The following DOCK8 variants were observed in gnomAD, a reference collection of about 807,000 sequenced individuals.
The protein encoded by DOCK8 is dedicator of cytokinesis protein 8.
Under a neutral mutation model 245.6 loss-of-function variants are expected in DOCK8, and 141 were observed. That is an observed-to-expected ratio of 0.57 (90% CI 0.50 to 0.66). The LOEUF (loss-of-function observed/expected upper bound fraction) is 0.66. Ranked by LOEUF, DOCK8 falls within the 30% of genes least tolerant of loss-of-function variation. The pLI, the probability that DOCK8 is intolerant of heterozygous loss-of-function variation, is 0.00. For synonymous variants in DOCK8, 1,168 were observed against 970.2 expected, an observed-to-expected ratio of 1.20 and a Z score of -3.79; for missense variants, 2,965 against 2,603.4, an observed-to-expected ratio of 1.14 and a Z score of -3.02.
intron 26 of DOCK8, among the ~76,000 whole-genome samples, chr9:400,035 C>G (rs1280129689): frequency 2.0e-5 from 2 of 101,010 alleles, no homozygotes; most frequent in African/African-American, 9.8e-5. Flanking sequence ...CCACCATCAC[C>G]ACCACCACCT....
chr9:420,290 G>T (rs1008113195), intron 30 of DOCK8, 111 bp from the exon 31 acceptor site: 1 of 1,152,870 alleles, frequency 8.7e-7, no homozygotes, highest in Admixed American at 1.8e-5. Flanking sequence ...TACAGTCATG[G>T]TATTTTAAGA....
intron 4 of DOCK8, among the ~76,000 whole-genome samples, chr9:302,231 A>C (rs1416892754): frequency 6.6e-6 from 1 of 152,346 alleles, no homozygotes. Context: ...CGAAGTTGAC[A>C]ATAACAAGCC....
intron 40 of DOCK8, 120 bp downstream of exon 40, chr9:439,508 G>A: frequency 2.2e-6 from 3 of 1,373,240 alleles, no homozygotes; most frequent in Non-Finnish European, 3.0e-6. Flanking sequence ...ACGTGCCAGG[G>A]TGTGCGGGGC....
intron 7 of DOCK8, among the ~76,000 whole-genome samples, chr9:317,446 T>C (rs2050396606): frequency 6.6e-6 from 1 of 152,210 alleles, no homozygotes. Flanking sequence ...TGGAGTCGAC[T>C]GTACTAACTC....
chr9:279,388 A>C (rs1009293939), intron 2 of DOCK8, among the ~76,000 whole-genome samples: 6 of 152,244 alleles, frequency 3.9e-5, no homozygotes, highest in African/African-American at 1.4e-4. Flanking sequence ...TGTATATTTA[A>C]AGCCATGGGA....
intron 26 of DOCK8, among the ~76,000 whole-genome samples, chr9:399,599 C>T (rs1261392407): frequency 6.6e-6 from 1 of 152,102 alleles, no homozygotes; most frequent in Non-Finnish European, 1.5e-5. Flanking sequence ...AGTCCTTGCG[C>T]TCCCAGTCTG....
chr9:410,827 A>C (rs1260820112), intron 28 of DOCK8, among the ~76,000 whole-genome samples: 1 of 152,218 alleles, frequency 6.6e-6, no homozygotes, highest in Non-Finnish European at 1.5e-5. Flanking sequence ...TCTTTAGCTG[A>C]GCTGACCAAG....
intron 43 of DOCK8, among the ~76,000 whole-genome samples, chr9:443,898 G>C (rs561116305): frequency 6.6e-6 from 1 of 152,300 alleles, no homozygotes; most frequent in South Asian, 2.1e-4. Context: ...CCAGTACTCA[G>C]ACTTGAGGTC....
chr9:220,542 C>T (rs1047735665), intron 1 of DOCK8, among the ~76,000 whole-genome samples: 3 of 151,942 alleles, frequency 2.0e-5, no homozygotes, highest in South Asian at 4.2e-4. Flanking sequence ...TTTAAGGGAC[C>T]GTGAGAAGGT....
At chr9:243,136 C>T (rs920336830) in intron 1 of DOCK8, among the ~76,000 whole-genome samples, 2 of 152,176 alleles carry the variant, frequency 1.3e-5, no homozygotes, top group African/African-American at 4.8e-5. Flanking sequence ...CCATTAAAAA[C>T]ACTGCCCAGC....
At chr9:409,615 G>A (rs1386057767) in intron 28 of DOCK8, among the ~76,000 whole-genome samples, 3 of 151,704 alleles carry the variant, frequency 2.0e-5, no homozygotes, top group Non-Finnish European at 2.9e-5. Flanking sequence ...AAGTTCTAGG[G>A]TACATGTATA....
chr9:288,401 T>C (rs2048909916), intron 3 of DOCK8, among the ~76,000 whole-genome samples: 1 of 152,188 alleles, frequency 6.6e-6, no homozygotes, highest in Non-Finnish European at 1.5e-5. Context: ...GCTGTGTGAC[T>C]TGGAACAAGA....
intron 4 of DOCK8, 131 bp from the exon 5 acceptor site, chr9:304,444 GAATTAT>G (rs1221945971): frequency 8.8e-7 from 1 of 1,141,934 alleles, no homozygotes; most frequent in African/African-American, 1.5e-5. Flanking sequence ...TAAATGTGAG[GAATTAT>G]AATTGGTTCC....
In DOCK8 at chr9:304,565, A is replaced by G. The variant is rs1336117189; in HGVS notation, c.405-16A>G. 5.6e-6 allele frequency: 9 copies of G among 1,613,904 alleles called. No individual in the cohort carries two copies. Among genetic ancestry groups the G allele is most frequent in the East Asian group, 2.2e-5 (1 of 44,894 alleles). On this transcript the variant is annotated splice_polypyrimidine_tract_variant and intron_variant, in intron 4 of 47. Coordinates refer to ENST00000432829, the MANE Select transcript of DOCK8 (RefSeq NM_203447.4). ...CTCCCTCTTTCTCTCTCCAAATTAAATATCAACCATAAAAGAAACCAAGGA... is the reference window on the plus strand; with the variant it reads ...CTCCCTCTTTCTCTCTCCAAATTAAGTATCAACCATAAAAGAAACCAAGGA...
chr9:229,069 G>A (rs1412714001), intron 1 of DOCK8, among the ~76,000 whole-genome samples: 5 of 152,150 alleles, frequency 3.3e-5, no homozygotes, highest in Admixed American at 6.5e-5. Flanking sequence ...ACTCTCCAAC[G>A]TCACTTCCAC....
intron 5 of DOCK8, among the ~76,000 whole-genome samples, chr9:308,680 CAG>C (rs760355036): frequency 3.3e-5 from 5 of 152,252 alleles, no homozygotes; most frequent in Non-Finnish European, 7.3e-5. Context: ...TTTTTAGAGA[CAG>C]AGTCTTGCTC....
chr9:420,673 AG>A (rs1323327236), intron 31 of DOCK8, 90 bp downstream of exon 31: 1 of 1,512,072 alleles, frequency 6.6e-7, no homozygotes, highest in Non-Finnish European at 9.2e-7. Flanking sequence ...TGGGCCATGG[AG>A]GCATCATTAA....
At chr9:270,837 C>G (rs1041110094) in intron 1 of DOCK8, among the ~76,000 whole-genome samples, 1 of 152,140 alleles carries the variant, frequency 6.6e-6, no homozygotes, top group Non-Finnish European at 1.5e-5. Context: ...CTTTTGTGAA[C>G]TAGCCTGAGA....
At chr9:261,330 A>G (rs546595459) in intron 1 of DOCK8, among the ~76,000 whole-genome samples, 1 of 152,190 alleles carries the variant, frequency 6.6e-6, no homozygotes, top group African/African-American at 2.4e-5. Context: ...ATTTTTTAAA[A>G]TCCACTTACT....
Sources: gnomAD v4.1 joint callset for allele counts (sites outside exome capture counted in the v4.1 genomes callset) on GRCh38, gnomAD v4.1.1 for gene constraint, MANE v1.5 for transcripts, NCBI Gene and HGNC (gene_info 2026-07-23, HGNC 2026-07-21) for gene names.